The following AGO2 variants were observed in gnomAD, a reference collection of about 807,000 sequenced individuals.
AGO2 encodes the protein argonaute RISC catalytic component 2, also known as protein argonaute-2.
Under a neutral mutation model 102.3 loss-of-function variants are expected in AGO2, and 5 were observed. That is an observed-to-expected ratio of 0.05 (90% CI 0.03 to 0.10). AGO2 has a LOEUF of 0.10. Among genes scored for constraint, AGO2 ranks in the 10% least tolerant of loss-of-function variants. The pLI is 1.00. For synonymous variants in AGO2, 449 were observed against 473.1 expected (o/e 0.95, Z 0.66); for missense variants, 541 against 1,183.7 (o/e 0.46, Z 7.97).
intron 3 of AGO2, among the ~76,000 whole-genome samples, chr8:140,568,465 T>C (rs2073326890): frequency 6.6e-6 from 1 of 152,076 alleles, no homozygotes; most frequent in South Asian, 2.1e-4. Flanking sequence ...ACTGCAGGCG[T>C]GGCATGTCTG....
intron 1 of AGO2, among the ~76,000 whole-genome samples, chr8:140,603,136 G>A (rs962918475): frequency 5.3e-5 from 8 of 152,214 alleles, no homozygotes; most frequent in Admixed American, 2.0e-4. Context: ...CGGATGGTGC[G>A]GGTTGACTCA....
At chr8:140,536,886 C>T (rs1398211259) in intron 16 of AGO2, among the ~76,000 whole-genome samples, 1 of 152,172 alleles carries the variant, frequency 6.6e-6, no homozygotes, top group Non-Finnish European at 1.5e-5. Context: ...GTCTCTTATT[C>T]CCATCCTTCC....
chr8:140,640,668 C>T, the AGO2 span, among the ~76,000 whole-genome samples: 24 of 152,032 alleles, frequency 1.6e-4, no homozygotes, highest in East Asian at 3.9e-4. Context: ...TACTGGCATG[C>T]GCCACCATGC....
intron 3 of AGO2, 102 bp downstream of exon 3, chr8:140,572,710 G>T: frequency 6.8e-7 from 1 of 1,478,324 alleles, no homozygotes. Context: ...CCTCCTCAGT[G>T]AAATAGTTTC....
At position 140,541,966 on chromosome 8, in the gene AGO2, G is replaced by A. The variant is rs2132880471; in HGVS notation, c.1840-608C>T. On this transcript the variant is annotated intron_variant, in intron 14 of 18. Transcript: ENST00000220592. ...AACTATCCTCTGCTTGGGATCAGAT[G>A]TGGCTGAATTAATCAGTCCAAAGAA... Among the ~76,000 whole-genome samples the A allele has an allele frequency of 1.3e-5, 2 of 152,292 alleles. 1 individual carries two copies. The highest frequency in any genetic ancestry group is 6.8e-3 in the Middle Eastern group (2 of 292).
chr8:140,556,328 G>T, intron 8 of AGO2, 42 bp from the exon 9 acceptor site: 1 of 1,609,058 alleles, frequency 6.2e-7, no homozygotes, highest in Non-Finnish European at 8.5e-7. Flanking sequence ...TGCCGCACTG[G>T]AGTGACCAGG....
rs2132899327 is a variant in AGO2 at position 140,547,725 on chromosome 8, C to A, written c.1589-98G>T. The A allele has an allele frequency of 2.7e-6, 4 of 1,486,044 alleles. No homozygotes were observed. In the East Asian group the frequency reaches 9.5e-5, roughly 35 times the overall value. The allele number at this position is 1,486,044 out of a possible 1,614,324, so 92.1% of individuals were successfully genotyped here. A position where few individuals can be genotyped will look rare whatever the true frequency, so the allele number is the denominator to read the frequency against. On this transcript the variant is annotated intron_variant, in intron 12 of 18. Coordinates refer to ENST00000220592, the MANE Select transcript of AGO2 (RefSeq NM_012154.5). The stretch of plus-strand genomic sequence containing the variant: ...CACCAGCCCTCTTGCCCCCATCTGG[C>A]AAGTGCAGCCATGGCAGCTGTGCTG...
At chr8:140,613,093 G>C (rs1047051609) in intron 1 of AGO2, among the ~76,000 whole-genome samples, 1 of 151,032 alleles carries the variant, frequency 6.6e-6, no homozygotes, top group Non-Finnish European at 1.5e-5. Context: ...CCAGCTACTC[G>C]GGAGGCTGAG....
chr8:140,601,773 T>A (rs1378550794), intron 1 of AGO2, among the ~76,000 whole-genome samples: 1 of 152,250 alleles, frequency 6.6e-6, no homozygotes, highest in Non-Finnish European at 1.5e-5. Context: ...GTTATTATAC[T>A]GTACTTTAAA....
At position 140,557,669 on chromosome 8, in the gene AGO2, A is replaced by G. The variant is rs1316123342; in HGVS notation, c.879-433T>C. Reference sequence around the variant, plus strand: ...CCAGGCCGGTTCCGGCCGCACGGTGACGGCAGGAGACGCCTGGGTGCAGTA... The same window carrying G: ...CCAGGCCGGTTCCGGCCGCACGGTGGCGGCAGGAGACGCCTGGGTGCAGTA... On this transcript the variant is annotated intron_variant, in intron 7 of 18. Coordinates refer to ENST00000220592, the MANE Select transcript of AGO2 (RefSeq NM_012154.5). The surrounding 1 kb of genome is among the most constrained non-coding windows in gnomAD (Gnocchi z 5.9). Among the ~76,000 whole-genome samples, 1 of 152,204 alleles carries G rather than the reference A, an allele frequency of 6.6e-6. No individual in the cohort carries two copies. The highest frequency in any genetic ancestry group is 6.5e-5 in the Admixed American group (1 of 15,284).
chr8:140,554,237 T>C (rs1384305652), intron 10 of AGO2, among the ~76,000 whole-genome samples: 2 of 152,148 alleles, frequency 1.3e-5, no homozygotes, highest in Non-Finnish European at 2.9e-5. Flanking sequence ...GATCACGGGC[T>C]CTTCCTCCTG....
intron 7 of AGO2, 35 bp downstream of exon 7, chr8:140,558,446 GGCCC>G (rs2073138049): frequency 1.2e-6 from 2 of 1,609,622 alleles, no homozygotes; most frequent in Non-Finnish European, 1.7e-6. Flanking sequence ...TGACAGTGGG[GGCCC>G]CAGCCAAGAG....
chr8:140,601,157 G>A (rs1455222632), intron 1 of AGO2, among the ~76,000 whole-genome samples: 1 of 152,196 alleles, frequency 6.6e-6, no homozygotes, highest in Non-Finnish European at 1.5e-5. Context: ...GAGACAGCCA[G>A]GTTCCCACGG....
Position 140,540,354 on chromosome 8 carries a change from G to T in AGO2, c.2034+810C>A, listed in dbSNP as rs539300541. On this transcript the variant is annotated intron_variant, in intron 15 of 18. Transcript: ENST00000220592. The surrounding 1 kb of genome is among the most constrained non-coding windows in gnomAD (Gnocchi z 5.0). ...GGAGGATGTCTTCCCACCCCACTGG[G>T]TGGGGCTCCTCCCCCAACATGCCTG... Among the ~76,000 whole-genome samples the T allele has an allele frequency of 2.0e-5, 3 of 152,306 alleles. No individual in the cohort carries two copies. The South Asian group carries it at 6.2e-4, about 32-fold the overall frequency.
Position 140,527,412 on chromosome 8 carries a change from G to A in AGO2, c.*4632C>T, listed in dbSNP as rs933128904. 1 of 152,728 alleles carries A rather than the reference G, an allele frequency of 6.5e-6. No individual in the cohort carries two copies. Among genetic ancestry groups the A allele is most frequent in the African/African-American group, 2.4e-5 (1 of 41,424 alleles). The allele number at this position is 152,728 out of a possible 1,614,324, so 9.5% of individuals were successfully genotyped here. ...ATCTATTTACAATCATCTCAAACAA[G>A]TACAGCAGATGCGAAGTGGGACATC... On this transcript the variant is annotated 3_prime_UTR_variant, in exon 19 of 19. Coordinates refer to ENST00000220592, the MANE Select transcript of AGO2 (RefSeq NM_012154.5). The surrounding 1 kb of genome is among the most constrained non-coding windows in gnomAD (Gnocchi z 6.0).
At chr8:140,613,934 G>C (rs1255126786) in intron 1 of AGO2, among the ~76,000 whole-genome samples, 2 of 146,932 alleles carry the variant, frequency 1.4e-5, no homozygotes, top group Non-Finnish European at 1.5e-5. Flanking sequence ...GAGATCGCTT[G>C]AGTGCAGGAG....
At chr8:140,623,400 A>C (rs2074237915) in intron 1 of AGO2, among the ~76,000 whole-genome samples, 1 of 152,122 alleles carries the variant, frequency 6.6e-6, no homozygotes, top group Admixed American at 6.5e-5. Context: ...CACGCCACTG[A>C]ATTGTTCATC....
At chr8:140,607,235 G>A (rs2074009385) in intron 1 of AGO2, among the ~76,000 whole-genome samples, 1 of 151,336 alleles carries the variant, frequency 6.6e-6, no homozygotes, top group Admixed American at 6.6e-5. Flanking sequence ...GGCAACAAGA[G>A]TGAAACTCCA....
rs2072445596 is a variant in AGO2 at position 140,523,230 on chromosome 8, T to A, written c.*8814A>T. On this transcript the variant is annotated 3_prime_UTR_variant, in exon 19 of 19. Transcript: ENST00000220592. Reference sequence around the variant, plus strand: ...TAGAGTACCACCTGAAACGAGGCCCTTGGAGCTGCTCAGCTTCTTAGAAAA... The same window carrying A: ...TAGAGTACCACCTGAAACGAGGCCCATGGAGCTGCTCAGCTTCTTAGAAAA... 1 of 152,172 alleles carries A rather than the reference T, an allele frequency of 6.6e-6. No individual in the cohort carries two copies. The allele number at this position is 152,172 out of a possible 1,614,324, so 9.4% of individuals were successfully genotyped here. A position where few individuals can be genotyped will look rare whatever the true frequency, so the allele number is the denominator to read the frequency against.
Sources: gnomAD v4.1 joint callset for allele counts (sites outside exome capture counted in the v4.1 genomes callset) on GRCh38, gnomAD v4.1.1 for gene constraint, Gnocchi (gnomAD v3.1) non-coding constraint, MANE v1.5 for transcripts, NCBI Gene and HGNC (gene_info 2026-07-23, HGNC 2026-07-21) for gene names.